The following MAST4 variants were observed in gnomAD, a reference collection of about 807,000 sequenced individuals.
MAST4 encodes microtubule associated serine/threonine kinase family member 4.
In MAST4, 89 loss-of-function variants were observed where a neutral mutation model predicts 162.7. The observed-to-expected ratio is 0.55, with a 90% confidence interval of 0.46 to 0.65. The LOEUF is 0.65. Among genes scored for constraint, MAST4 ranks in the 30% least tolerant of loss-of-function variants. The probability of loss-of-function intolerance (pLI) is 0.00; values close to 1 mark genes in which losing one functional copy is unlikely to be tolerated. For missense variants in MAST4, 3,153 were observed against 3,374.0 expected (o/e 0.93, Z 1.62); for synonymous variants, 1,479 against 1,361.1 (o/e 1.09, Z -1.91).
chr5:67,122,932 G>A (rs547318169), intron 14 of MAST4, among the ~76,000 whole-genome samples: 15 of 152,292 alleles, frequency 9.8e-5, no homozygotes, highest in African/African-American at 3.6e-4. Context: ...AGTCTCTGCT[G>A]ATCAGCCAAA....
At chr5:66,822,604 C>T (rs565938782) in intron 3 of MAST4, among the ~76,000 whole-genome samples, 11 of 152,276 alleles carry the variant, frequency 7.2e-5, no homozygotes, top group South Asian at 6.2e-4. Context: ...CCCTCTTCCT[C>T]CACCCCTCCT....
intron 3 of MAST4, among the ~76,000 whole-genome samples, chr5:66,845,085 TTATATATATATATATA>T (rs752796951): frequency 1.9e-3 from 112 of 57,974 alleles, no homozygotes; most frequent in Non-Finnish European, 2.1e-3. Context: ...TCACTAATCT[TTATATATATATATATA>T]TATATATATA....
intron 4 of MAST4, among the ~76,000 whole-genome samples, chr5:67,029,187 A>G (rs945123864): frequency 2.0e-5 from 3 of 151,942 alleles, no homozygotes; most frequent in African/African-American, 7.2e-5. Context: ...AAAGGTAATT[A>G]GTGTTGAATA....
At chr5:67,022,039 A>G (rs1754047674) in intron 4 of MAST4, among the ~76,000 whole-genome samples, 1 of 152,160 alleles carries the variant, frequency 6.6e-6, no homozygotes, top group South Asian at 2.1e-4. Flanking sequence ...GTTAGCATTC[A>G]TTCCAACATG....
At chr5:66,934,670 C>T (rs1228557210) in intron 4 of MAST4, among the ~76,000 whole-genome samples, 1 of 151,906 alleles carries the variant, frequency 6.6e-6, no homozygotes, top group Non-Finnish European at 1.5e-5. Context: ...GGATTAACTG[C>T]ATAAACCTAA....
chr5:66,981,456 GTATAATCAA>G (rs1381419976), intron 4 of MAST4, among the ~76,000 whole-genome samples: 2 of 152,180 alleles, frequency 1.3e-5, no homozygotes, highest in East Asian at 3.9e-4. Flanking sequence ...GCTGAAAACT[GTATAATCAA>G]TCAGCAGTAT....
chr5:66,788,512 C>T (rs1159541292), intron 2 of MAST4, among the ~76,000 whole-genome samples, 158 bp from the exon 3 acceptor site: 1 of 152,164 alleles, frequency 6.6e-6, no homozygotes, highest in Admixed American at 6.5e-5. Flanking sequence ...TTAATTAGAA[C>T]AAGTTTTCCC....
At chr5:66,720,294 C>G (rs1266907616) in intron 1 of MAST4, among the ~76,000 whole-genome samples, 1 of 151,832 alleles carries the variant, frequency 6.6e-6, no homozygotes, top group East Asian at 1.9e-4. Context: ...GGGAAACTTT[C>G]CTTGATTTTT....
chr5:67,142,248 T>C lies in MAST4; in HGVS notation c.2617+11T>C. The stretch of plus-strand genomic sequence containing the variant: ...CAAGTTATTTTGATAGTATGTGCTT[T>C]ATCTGACATAAAACATTGTTTGGCC... On this transcript the variant is annotated intron_variant, in intron 20 of 28. Transcript: ENST00000403625. 2 of 1,613,088 alleles carry C rather than the reference T, an allele frequency of 1.2e-6. No homozygotes were observed. Among genetic ancestry groups the C allele is most frequent in the Non-Finnish European group, 1.7e-6 (2 of 1,179,454 alleles).
intron 3 of MAST4, among the ~76,000 whole-genome samples, chr5:66,799,021 G>A (rs546611015): frequency 5.3e-5 from 8 of 152,188 alleles, no homozygotes; most frequent in South Asian, 4.2e-4. Context: ...AAAAACCTCC[G>A]AGTTTTGTTC....
intron 3 of MAST4, among the ~76,000 whole-genome samples, chr5:66,807,696 T>C (rs527502234): frequency 6.6e-6 from 1 of 152,006 alleles, no homozygotes; most frequent in East Asian, 1.9e-4. Flanking sequence ...TGCATTCTCA[T>C]ACTCATGGGA....
chr5:67,067,329 C>G lies in MAST4; in HGVS notation c.763+12837C>G, dbSNP rs529190702. Among the ~76,000 whole-genome samples the G allele has an allele frequency of 1.7e-3, 264 of 152,300 alleles. 2 individuals are homozygous for G. The highest frequency in any genetic ancestry group is 0.01 in the South Asian group (50 of 4,828). ...GGCAGTTCACTCTCTGGGTCTCAAC[C>G]TCCTCATCTATCAAATGGAAGTAGT... On this transcript the variant is annotated intron_variant, in intron 5 of 28. Transcript: ENST00000403625.
intron 5 of MAST4, among the ~76,000 whole-genome samples, chr5:67,069,223 A>G (rs1760605142): frequency 6.7e-6 from 1 of 149,278 alleles, no homozygotes; most frequent in African/African-American, 2.5e-5. Context: ...TAACAATCAA[A>G]TATGACTTTG....
chr5:67,100,630 TTC>T (rs745563947), intron 8 of MAST4, 38 bp downstream of exon 8: 2 of 1,611,736 alleles, frequency 1.2e-6, no homozygotes, highest in African/African-American at 2.7e-5. Context: ...CTTAGTTGGA[TTC>T]TCTATTTTCA....
Position 67,144,669 on chromosome 5 carries a change from G to C in MAST4, c.2731G>C (p.Val911Leu). 6.2e-7 allele frequency: 1 copy of C among 1,613,118 alleles called. No individual in the cohort carries two copies. Among genetic ancestry groups the C allele is most frequent in the Non-Finnish European group, 8.5e-7 (1 of 1,179,650 alleles). ...TAAGCACCAATTATTTGCCTTCCAG[G>C]TTTTCAGCAGTATAGATCGAATCAC... The part of the protein sequence containing the change: ...FSSCSHRFSK[V>L]FSSIDRITQN... The change falls in exon 22 of 29, where the codon GTT becomes CTT. Residue 911 changes from valine to leucine, a missense_variant and splice_region_variant. This residue lies in a region of MAST4 where 619 missense variants were observed against 744.2 expected (regional missense o/e 0.83). Transcript: ENST00000403625.
intron 4 of MAST4, among the ~76,000 whole-genome samples, chr5:66,988,491 G>A (rs1459541043): frequency 6.6e-6 from 1 of 152,108 alleles, no homozygotes; most frequent in Non-Finnish European, 1.5e-5. Flanking sequence ...AACATTTCTG[G>A]AATATTAGAC....
At chr5:66,975,911 C>T (rs1748085994) in intron 4 of MAST4, among the ~76,000 whole-genome samples, 1 of 152,084 alleles carries the variant, frequency 6.6e-6, no homozygotes, top group African/African-American at 2.4e-5. Context: ...ATGAAAATTG[C>T]TTGAACCCAG....
intron 4 of MAST4, among the ~76,000 whole-genome samples, chr5:67,022,264 C>T (rs1754078907): frequency 6.6e-6 from 1 of 152,110 alleles, no homozygotes; most frequent in South Asian, 2.1e-4. Context: ...ATTTCTATGC[C>T]AAAGTGACGT....
At chr5:66,857,381 G>A (rs990294609) in intron 3 of MAST4, among the ~76,000 whole-genome samples, 1 of 152,184 alleles carries the variant, frequency 6.6e-6, no homozygotes, top group Non-Finnish European at 1.5e-5. Flanking sequence ...TGTGTGGATT[G>A]CTTGCTGTCT....
Sources: allele counts gnomAD v4.1 joint callset (sites outside exome capture counted in the v4.1 genomes callset), GRCh38; gene constraint gnomAD v4.1.1; regional missense constraint gnomAD v4.1.1; transcripts MANE v1.5; gene names NCBI Gene and HGNC (gene_info 2026-07-23, HGNC 2026-07-21).